GALNTL6: variants seen among roughly 807,000 people sequenced by gnomAD.
GALNTL6 encodes polypeptide N-acetylgalactosaminyltransferase like 6.
In GALNTL6, 46 loss-of-function variants were observed where a neutral mutation model predicts 73.7. The ratio of observed to expected loss-of-function variants is 0.62; its 90% CI spans 0.49 to 0.80. GALNTL6 has a LOEUF of 0.80. GALNTL6 is among the 30% of genes least tolerant of loss of function. The pLI, the probability that GALNTL6 is intolerant of heterozygous loss-of-function variation, is 0.00. For missense variants in GALNTL6, 604 were observed against 755.0 expected (o/e 0.80, Z 2.34); for synonymous variants, 259 against 263.7 (o/e 0.98, Z 0.17).
intron 2 of GALNTL6, among the ~76,000 whole-genome samples, chr4:172,021,462 GAT>G (rs1353399099): frequency 6.6e-6 from 1 of 152,000 alleles, no homozygotes; most frequent in African/African-American, 2.4e-5. Flanking sequence ...AAAATGGAAA[GAT>G]ATTCCATGTC....
rs748907934 is a variant in GALNTL6, at chr4:172,952,235, C to T, written c.1348C>T (p.Pro450Ser). The change falls in exon 10 of 13, where the codon CCC becomes TCC. Residue 450 changes from proline to serine, a missense_variant. Pro to Ser is a moderately conservative substitution (Grantham distance 74, BLOSUM62 -1). Coordinates refer to ENST00000506823, the MANE Select transcript of GALNTL6 (RefSeq NM_001034845.3). ...GCCTAAATACTACCCTCCAGTGGAG[C>T]CCCCGCCTGCTGCCTGGGGGGAGGT... ...DVPKYYPPVE[P>S]PPAAWGEIRN... 2.9e-5 allele frequency: 46 copies of T among 1,613,616 alleles called. No individual in the cohort carries two copies. Among genetic ancestry groups the T allele is most frequent in the Non-Finnish European group, 3.8e-5 (45 of 1,179,752 alleles).
intron 5 of GALNTL6, among the ~76,000 whole-genome samples, chr4:172,485,820 G>A (rs1156359009): frequency 6.6e-6 from 1 of 152,096 alleles, no homozygotes; most frequent in Non-Finnish European, 1.5e-5. Context: ...ACTTTCATGT[G>A]AGAAATGGTT....
At chr4:172,847,080 T>C (rs1045104810) in intron 7 of GALNTL6, among the ~76,000 whole-genome samples, 2 of 152,184 alleles carry the variant, frequency 1.3e-5, no homozygotes, top group African/African-American at 4.8e-5. Flanking sequence ...TTCATTGGCA[T>C]GGGAAGGCAA....
intron 3 of GALNTL6, among the ~76,000 whole-genome samples, chr4:172,258,004 A>G (rs1276032205): frequency 1.3e-5 from 2 of 151,326 alleles, no homozygotes; most frequent in South Asian, 2.1e-4. Flanking sequence ...GCCGTGTGTA[A>G]CATTCTCAGT....
At chr4:172,430,589 A>G (rs546471503) in intron 5 of GALNTL6, among the ~76,000 whole-genome samples, 2 of 152,274 alleles carry the variant, frequency 1.3e-5, no homozygotes, top group South Asian at 4.1e-4. Context: ...GAAAACAAGT[A>G]TCTTTAAAAA....
At chr4:172,597,920 T>TC (rs1384641252) in intron 5 of GALNTL6, among the ~76,000 whole-genome samples, 1 of 151,692 alleles carries the variant, frequency 6.6e-6, no homozygotes, top group Non-Finnish European at 1.5e-5. Flanking sequence ...CCTTTTCATT[T>TC]CTTTTTTTTT....
chr4:171,824,278 A>G (rs1254156613), intron 2 of GALNTL6, among the ~76,000 whole-genome samples: 2 of 151,886 alleles, frequency 1.3e-5, no homozygotes, highest in Non-Finnish European at 2.9e-5. Context: ...GAAATGGTAT[A>G]ATAATTTAAC....
intron 5 of GALNTL6, among the ~76,000 whole-genome samples, chr4:172,640,020 C>A (rs1418860742): frequency 3.3e-5 from 5 of 151,994 alleles, no homozygotes; most frequent in Non-Finnish European, 7.4e-5. Flanking sequence ...TACTTTGCTC[C>A]TCTTTATAGC....
chr4:172,981,785 A>G (rs1190631637), intron 10 of GALNTL6, among the ~76,000 whole-genome samples: 4 of 144,646 alleles, frequency 2.8e-5, no homozygotes, highest in African/African-American at 1.0e-4. Context: ...TGCTTTGAGT[A>G]GTATGAACGT....
chr4:171,936,955 C>A (rs1738366527), intron 2 of GALNTL6, among the ~76,000 whole-genome samples: 1 of 152,102 alleles, frequency 6.6e-6, no homozygotes, highest in Admixed American at 6.6e-5. Context: ...CAATCTCTAG[C>A]AACACCAAAT....
At chr4:171,950,992 A>G (rs553204696) in intron 2 of GALNTL6, among the ~76,000 whole-genome samples, 25 of 152,066 alleles carry the variant, frequency 1.6e-4, no homozygotes, top group Non-Finnish European at 2.8e-4. Context: ...AGCAGGACAC[A>G]TGGAAAGTAT....
intron 7 of GALNTL6, among the ~76,000 whole-genome samples, chr4:172,821,330 T>C (rs947026863): frequency 2.6e-5 from 4 of 152,212 alleles, no homozygotes; most frequent in Non-Finnish European, 4.4e-5. Flanking sequence ...AATGGTCTCA[T>C]AGGACTCAAG....
chr4:171,888,968 C>G lies in GALNTL6; in HGVS notation c.138+74250C>G, dbSNP rs567418885. 7.2e-5 allele frequency among the ~76,000 whole-genome samples: 11 copies of G among 151,978 alleles called. No homozygotes were observed. The East Asian group carries it at 1.7e-3, about 24-fold the overall frequency. On this transcript the variant is annotated intron_variant, in intron 2 of 12. Coordinates refer to ENST00000506823, the MANE Select transcript of GALNTL6 (RefSeq NM_001034845.3). ...AAAAATAAGTGTGCAGTCTGAAATT[C>G]AAAACAAAGAATTTCCTTCTTGATC...
chr4:171,903,866 AC>A (rs1278691433), intron 2 of GALNTL6, among the ~76,000 whole-genome samples: 3 of 151,798 alleles, frequency 2.0e-5, no homozygotes, highest in Non-Finnish European at 4.4e-5. Flanking sequence ...ACTGGCAGGC[AC>A]CCCCCAGCAG....
At chr4:172,270,437 T>C (rs1300539942) in intron 3 of GALNTL6, among the ~76,000 whole-genome samples, 2 of 152,192 alleles carry the variant, frequency 1.3e-5, no homozygotes, top group African/African-American at 4.8e-5. Context: ...CATAGGCTAG[T>C]GTGTATGTAT....
chr4:172,948,875 C>T lies in GALNTL6; in HGVS notation c.1150-3162C>T, dbSNP rs181356096. 2.8e-4 allele frequency among the ~76,000 whole-genome samples: 43 copies of T among 152,226 alleles called. 1 individual carries two copies. The East Asian group carries it at 8.1e-3, about 29-fold the overall frequency. Reference sequence around the variant, plus strand: ...GTTCCCTAGTTAACTATACTAAAGCCTACTTGACCCTTGGTGACAGCTTTC... The same window carrying T: ...GTTCCCTAGTTAACTATACTAAAGCTTACTTGACCCTTGGTGACAGCTTTC... On this transcript the variant is annotated intron_variant, in intron 9 of 12. Coordinates refer to ENST00000506823, the MANE Select transcript of GALNTL6 (RefSeq NM_001034845.3).
At chr4:171,983,476 AT>A (rs1204349617) in intron 2 of GALNTL6, among the ~76,000 whole-genome samples, 2 of 147,090 alleles carry the variant, frequency 1.4e-5, no homozygotes, top group African/African-American at 5.2e-5. Context: ...TTATTTATTT[AT>A]TTATTTATTT....
chr4:172,010,067 A>G (rs1016484738), intron 2 of GALNTL6, among the ~76,000 whole-genome samples: 12 of 152,098 alleles, frequency 7.9e-5, no homozygotes, highest in Non-Finnish European at 1.8e-4. Flanking sequence ...CTGATTCTCT[A>G]ACTTCCTACA....
intron 3 of GALNTL6, among the ~76,000 whole-genome samples, chr4:172,271,867 C>T (rs887096623): frequency 2.6e-5 from 4 of 151,566 alleles, no homozygotes; most frequent in African/African-American, 7.3e-5. Flanking sequence ...ATTTATGATC[C>T]GTTTCATAAT....
Sources: gnomAD v4.1 joint callset for allele counts (sites outside exome capture counted in the v4.1 genomes callset) on GRCh38, gnomAD v4.1.1 for gene constraint, MANE v1.5 for transcripts, NCBI Gene and HGNC (gene_info 2026-07-23, HGNC 2026-07-21) for gene names.